Variants in SLIT3 observed in about 807,000 individuals in gnomAD.
SLIT3 encodes the protein slit homolog 3 protein.
In SLIT3, 68 loss-of-function variants were observed where a neutral mutation model predicts 184.0. The observed-to-expected ratio is 0.37, with a 90% CI of 0.30 to 0.45. The LOEUF (loss-of-function observed/expected upper bound fraction) is 0.45. Among genes scored for constraint, SLIT3 ranks in the 20% least tolerant of loss-of-function variants. SLIT3 has a pLI of 1.00. For synonymous variants in SLIT3, 831 were observed against 828.6 expected (o/e 1.00, Z -0.05); for missense variants, 1,707 against 2,026.0 (o/e 0.84, Z 3.02).
At chr5:168,922,313 C>T (rs139844590) in intron 4 of SLIT3, among the ~76,000 whole-genome samples, 1,983 of 151,836 alleles carry the variant, frequency 0.013, 89 homozygotes, top group Admixed American at 0.085. Context: ...AAAAATTAGC[C>T]GGGCATGGTG....
At chr5:168,770,463 C>G (rs1755509453) in intron 14 of SLIT3, among the ~76,000 whole-genome samples, 1 of 152,180 alleles carries the variant, frequency 6.6e-6, no homozygotes, top group African/African-American at 2.4e-5. Flanking sequence ...AGCTTTACAT[C>G]TATGGTTTTT....
At chr5:168,827,044 G>A (rs1395805593) in intron 6 of SLIT3, among the ~76,000 whole-genome samples, 1 of 152,230 alleles carries the variant, frequency 6.6e-6, no homozygotes, top group Non-Finnish European at 1.5e-5. Context: ...GATTACAGGT[G>A]TGAGCCACCA....
chr5:168,669,711 A>G, intron 35 of SLIT3, 72 bp downstream of exon 35: 1 of 1,250,500 alleles, frequency 8.0e-7, no homozygotes, highest in South Asian at 1.3e-5. Context: ...CAGAACTGGA[A>G]CTGAGGTGAT....
At chr5:169,166,143 G>A (rs114860394) in intron 4 of SLIT3, among the ~76,000 whole-genome samples, 3 of 108,726 alleles carry the variant, frequency 2.8e-5, no homozygotes, top group African/African-American at 3.9e-5. Flanking sequence ...TAAGACTAAC[G>A]CTACTAATTT....
At chr5:168,755,447 T>TTCTTTC (rs1554138542) in intron 16 of SLIT3, among the ~76,000 whole-genome samples, 9 of 107,920 alleles carry the variant, frequency 8.3e-5, no homozygotes, top group East Asian at 3.1e-4. Flanking sequence ...CTTTCTTTCT[T>TTCTTTC]TTTGAGACAG....
intron 5 of SLIT3, among the ~76,000 whole-genome samples, chr5:168,856,806 T>TGTGCGCGCGC (rs374432432): frequency 9.4e-4 from 130 of 137,816 alleles, no homozygotes; most frequent in African/African-American, 3.2e-3. Context: ...TGTGTGTGTG[T>TGTGCGCGCGC]GCGCGCGCGC....
At chr5:168,856,766 C>CGTGTATGTGTGTGT (rs1554149427) in intron 5 of SLIT3, among the ~76,000 whole-genome samples, 1 of 132,866 alleles carries the variant, frequency 7.5e-6, no homozygotes, top group African/African-American at 2.9e-5. Context: ...CTGAGTTCCT[C>CGTGTATGTGTGTGT]GTGTGTGTGT....
intron 21 of SLIT3, among the ~76,000 whole-genome samples, 190 bp from the exon 22 acceptor site, chr5:168,723,194 C>T (rs1280430447): frequency 1.3e-5 from 2 of 152,002 alleles, no homozygotes; most frequent in Non-Finnish European, 2.9e-5. Context: ...CTCCTGCTCA[C>T]CCATCCGCTT....
chr5:168,792,351 T>A (rs1756407513), intron 10 of SLIT3: 2 of 151,610 alleles, frequency 1.3e-5, no homozygotes, highest in South Asian at 2.1e-4. Flanking sequence ...GAGTGTCTGA[T>A]TTGTAGGCTG....
At chr5:168,970,655 T>C (rs60722245) in intron 4 of SLIT3, among the ~76,000 whole-genome samples, 2 of 152,312 alleles carry the variant, frequency 1.3e-5, no homozygotes, top group African/African-American at 4.8e-5. Flanking sequence ...TAGCAAGTTA[T>C]GGCATTTGTT....
intron 4 of SLIT3, among the ~76,000 whole-genome samples, chr5:169,069,772 G>A (rs1171107032): frequency 6.6e-6 from 1 of 152,136 alleles, no homozygotes; most frequent in African/African-American, 2.4e-5. Flanking sequence ...CAGACAGACA[G>A]AGTGAATATG....
At chr5:169,107,694 G>A (rs534659992) in intron 4 of SLIT3, among the ~76,000 whole-genome samples, 3 of 152,308 alleles carry the variant, frequency 2.0e-5, no homozygotes, top group South Asian at 4.1e-4. Flanking sequence ...CTGGCTGCCC[G>A]ACTTCAGCTT....
chr5:168,806,858 T>G (rs1561943385), intron 8 of SLIT3, among the ~76,000 whole-genome samples: 1 of 152,182 alleles, frequency 6.6e-6, no homozygotes, highest in African/African-American at 2.4e-5. Flanking sequence ...AGAGGGGCCC[T>G]CAGAGTCAGT....
intron 4 of SLIT3, among the ~76,000 whole-genome samples, chr5:169,039,185 G>A (rs1561624764): frequency 6.6e-6 from 1 of 152,102 alleles, no homozygotes; most frequent in Non-Finnish European, 1.5e-5. Flanking sequence ...AGCACACCAA[G>A]ATAACCACAA....
intron 3 of SLIT3, among the ~76,000 whole-genome samples, chr5:169,211,713 A>G (rs1764270255): frequency 6.6e-6 from 1 of 152,196 alleles, no homozygotes; most frequent in South Asian, 2.1e-4. Context: ...ATAGGTATAC[A>G]CGTGCCTTGG....
At position 168,808,165 on chromosome 5, in the gene SLIT3, G is replaced by A. The variant is rs75582104; in HGVS notation, c.794-1578C>T. Among the ~76,000 whole-genome samples, 1,399 of 149,936 alleles carry A rather than the reference G, an allele frequency of 9.3e-3. 18 individuals are homozygous for A. Among genetic ancestry groups the A allele is most frequent in the South Asian group, 0.055 (262 of 4,760 alleles). ...CACAAGTGGATCTAATGGAGACCAT[G>A]GAAAATGCCCGAAAGATGATGACTT... On this transcript the variant is annotated intron_variant, in intron 8 of 35. Coordinates refer to ENST00000519560, the MANE Select transcript of SLIT3 (RefSeq NM_003062.4).
intron 9 of SLIT3, among the ~76,000 whole-genome samples, chr5:168,796,300 G>C (rs1756562296): frequency 1.3e-5 from 2 of 152,220 alleles, no homozygotes; most frequent in African/African-American, 4.8e-5. Flanking sequence ...CCAGGGCCCA[G>C]AACTTCCTTG....
At chr5:169,193,908 G>A (rs1581040044) in intron 3 of SLIT3, among the ~76,000 whole-genome samples, 1 of 152,088 alleles carries the variant, frequency 6.6e-6, no homozygotes, top group Non-Finnish European at 1.5e-5. Context: ...CTATTACTGA[G>A]TGATGAAACT....
Position 169,029,380 on chromosome 5 carries a change from T to C in SLIT3, c.414-146044A>G, listed in dbSNP as rs550119768. Among the ~76,000 whole-genome samples, 16 of 152,366 alleles carry C rather than the reference T, an allele frequency of 1.1e-4. 1 individual carries two copies. In the East Asian group the frequency reaches 1.2e-3, roughly 11 times the overall value. On this transcript the variant is annotated intron_variant, in intron 4 of 35. Coordinates refer to ENST00000519560, the MANE Select transcript of SLIT3 (RefSeq NM_003062.4). ...CCCTGGGCCAGCACTATAGCTGTCA[T>C]TGGGGGAACTTGTTAGAAATGCAAA...
Sources: allele counts gnomAD v4.1 joint callset (sites outside exome capture counted in the v4.1 genomes callset), GRCh38; gene constraint gnomAD v4.1.1; transcripts MANE v1.5; gene names NCBI Gene and HGNC (gene_info 2026-07-23, HGNC 2026-07-21).